The following SOX5 variants were observed in gnomAD, a reference collection of about 807,000 sequenced individuals.
SOX5 encodes the protein transcription factor SOX-5.
Under a neutral mutation model 92.0 loss-of-function variants are expected in SOX5, and 9 were observed. The ratio of observed to expected loss-of-function variants is 0.10; its 90% CI spans 0.06 to 0.17. SOX5 has a LOEUF of 0.17. Ranked by LOEUF, SOX5 falls within the 10% of genes least tolerant of loss-of-function variation. The probability of loss-of-function intolerance (pLI) is 1.00; values close to 1 mark genes in which losing one functional copy is unlikely to be tolerated. For missense variants in SOX5, 642 were observed against 944.5 expected, an observed-to-expected ratio of 0.68 and a Z score of 4.20; for synonymous variants, 344 against 336.3, an observed-to-expected ratio of 1.02 and a Z score of -0.25.
At chr12:24,332,301 C>T (rs1951421874) in intron 2 of SOX5, among the ~76,000 whole-genome samples, 1 of 152,100 alleles carries the variant, frequency 6.6e-6, no homozygotes, top group Admixed American at 6.5e-5. Flanking sequence ...TAGAAGTCAG[C>T]AGAACATGAC....
intron 4 of SOX5, among the ~76,000 whole-genome samples, chr12:23,748,627 T>C (rs2094079589): frequency 6.6e-6 from 1 of 152,030 alleles, no homozygotes; most frequent in Admixed American, 6.6e-5. Context: ...CTAATTACGT[T>C]TCTTCCCTCA....
At chr12:23,617,851 A>G (rs919741348) in intron 8 of SOX5, among the ~76,000 whole-genome samples, 4 of 152,096 alleles carry the variant, frequency 2.6e-5, no homozygotes, top group Non-Finnish European at 5.9e-5. Flanking sequence ...ATTTTGCGAG[A>G]GTCATGTAAG....
chr12:23,808,047 A>G (rs1412970441), intron 3 of SOX5, among the ~76,000 whole-genome samples: 1 of 152,132 alleles, frequency 6.6e-6, no homozygotes, highest in Non-Finnish European at 1.5e-5. Context: ...AAATATCTCA[A>G]TAGTTACCAG....
intron 1 of SOX5, among the ~76,000 whole-genome samples, chr12:24,389,849 G>A (rs151172124): frequency 6.6e-6 from 1 of 152,276 alleles, no homozygotes; most frequent in East Asian, 1.9e-4. Context: ...GGTGGTGTAT[G>A]CAGGTTCTAA....
At chr12:23,824,226 G>A (rs1315747429) in intron 3 of SOX5, among the ~76,000 whole-genome samples, 4 of 152,120 alleles carry the variant, frequency 2.6e-5, no homozygotes, top group Non-Finnish European at 5.9e-5. Flanking sequence ...CAGCCTTTTT[G>A]AGCTGTTTTT....
intron 4 of SOX5, among the ~76,000 whole-genome samples, chr12:24,010,683 C>T (rs1040181015): frequency 3.9e-5 from 6 of 152,064 alleles, no homozygotes; most frequent in Non-Finnish European, 7.4e-5. Context: ...GCCTGTAATC[C>T]CAGCACTTTG....
chr12:23,853,679 C>T (rs533064329), intron 2 of SOX5, among the ~76,000 whole-genome samples: 3 of 151,806 alleles, frequency 2.0e-5, no homozygotes, highest in Admixed American at 2.0e-4. Flanking sequence ...CTCAAAACCT[C>T]TTAATAAGCA....
intron 1 of SOX5, among the ~76,000 whole-genome samples, chr12:24,379,577 A>G (rs1233409015): frequency 2.0e-5 from 3 of 152,204 alleles, no homozygotes; most frequent in Non-Finnish European, 4.4e-5. Flanking sequence ...GCTGTCATCA[A>G]TGGTGACATT....
chr12:24,082,933 T>C (rs987132460), intron 4 of SOX5, among the ~76,000 whole-genome samples: 29 of 151,952 alleles, frequency 1.9e-4, no homozygotes, highest in Admixed American at 1.8e-3. Flanking sequence ...GATATAATGA[T>C]AGATTTAACG....
chr12:24,529,132 C>T (rs1950954554), intron 1 of SOX5, among the ~76,000 whole-genome samples: 1 of 152,154 alleles, frequency 6.6e-6, no homozygotes, highest in South Asian at 2.1e-4. Context: ...AAGAATCTGT[C>T]CTTATCACTT....
chr12:24,046,814 G>A (rs944581524), intron 4 of SOX5, among the ~76,000 whole-genome samples: 1 of 151,038 alleles, frequency 6.6e-6, no homozygotes, highest in Non-Finnish European at 1.5e-5. Flanking sequence ...TGAGTAGCTG[G>A]GATTACAGTC....
intron 6 of SOX5, among the ~76,000 whole-genome samples, chr12:23,711,059 T>C (rs1207385770): frequency 6.6e-6 from 1 of 152,186 alleles, no homozygotes. Context: ...GAAAAAAATG[T>C]ATTGTTCCAT....
intron 9 of SOX5, among the ~76,000 whole-genome samples, chr12:23,599,212 C>T (rs1374504047): frequency 6.6e-6 from 1 of 152,130 alleles, no homozygotes; most frequent in Non-Finnish European, 1.5e-5. Flanking sequence ...GCTCAGATAA[C>T]AATAAAGTTC....
chr12:23,546,874 G>A (rs1262995463), intron 11 of SOX5, among the ~76,000 whole-genome samples: 2 of 152,110 alleles, frequency 1.3e-5, no homozygotes, highest in African/African-American at 4.8e-5. Context: ...AGTGCCCTCT[G>A]GTTGCCATCT....
intron 6 of SOX5, among the ~76,000 whole-genome samples, chr12:23,694,515 G>A (rs553582357): frequency 6.6e-6 from 1 of 151,582 alleles, no homozygotes; most frequent in Non-Finnish European, 1.5e-5. Context: ...TCTAATCAGG[G>A]GCTTAACCCA....
At chr12:23,783,157 T>C (rs147368902) in intron 3 of SOX5, among the ~76,000 whole-genome samples, 1 of 152,294 alleles carries the variant, frequency 6.6e-6, no homozygotes, top group East Asian at 1.9e-4. Flanking sequence ...TTTCTTATAA[T>C]CTGTCTTCAT....
At chr12:24,174,001 T>G (rs1014525694) in intron 4 of SOX5, among the ~76,000 whole-genome samples, 3 of 146,584 alleles carry the variant, frequency 2.0e-5, no homozygotes, top group African/African-American at 7.4e-5. Context: ...TTGTTTGTTT[T>G]TTTGTTTTTT....
intron 8 of SOX5, 74 bp from the exon 9 acceptor site, chr12:23,604,607 A>G: frequency 1.4e-6 from 2 of 1,380,262 alleles, no homozygotes; most frequent in Non-Finnish European, 2.0e-6. Context: ...CAGAAAGTAC[A>G]TATATTCAGA....
At chr12:24,388,513 T>G (rs1262599884) in intron 1 of SOX5, among the ~76,000 whole-genome samples, 1 of 152,142 alleles carries the variant, frequency 6.6e-6, no homozygotes, top group Admixed American at 6.5e-5. Flanking sequence ...TCTGGTTCCT[T>G]CAGGCCCAGG....
Sources: gnomAD v4.1 joint callset for allele counts (sites outside exome capture counted in the v4.1 genomes callset) on GRCh38, gnomAD v4.1.1 for gene constraint, MANE v1.5 for transcripts, NCBI Gene and HGNC (gene_info 2026-07-23, HGNC 2026-07-21) for gene names.